Variants in DNA2 observed in about 807,000 individuals in gnomAD.
DNA2 encodes DNA replication ATP-dependent helicase/nuclease DNA2.
Under a neutral mutation model 119.1 loss-of-function variants are expected in DNA2, and 101 were observed. That is an observed-to-expected ratio of 0.85 (90% CI 0.72 to 1.00). DNA2 has a LOEUF of 1.00. DNA2 is among the 50% of genes least tolerant of loss of function. The pLI, the probability that DNA2 is intolerant of heterozygous loss-of-function variation, is 0.00. For missense variants in DNA2, 1,121 were observed against 1,255.5 expected (o/e 0.89, Z 1.62); for synonymous variants, 366 against 424.4 (o/e 0.86, Z 1.69).
chr10:68,416,611 C>T (rs980582331), intron 20 of DNA2, 98 bp downstream of exon 20: 25 of 1,265,956 alleles, frequency 2.0e-5, no homozygotes, highest in Non-Finnish European at 2.6e-5. Context: ...AGTTCAAGAC[C>T]AGCTTAAGCA....
At chr10:68,437,649 T>TCAAAAA (rs1339155314) in intron 9 of DNA2, among the ~76,000 whole-genome samples, 6,709 of 119,050 alleles carry the variant, frequency 0.056, 517 homozygotes, top group African/African-American at 0.19. Flanking sequence ...AAACCACCTC[T>TCAAAAA]CAAAAACAAA....
chr10:68,424,857 C>T, intron 14 of DNA2: 1 of 789,602 alleles, frequency 1.3e-6, no homozygotes, highest in South Asian at 1.4e-5. Flanking sequence ...CGTGGGTACT[C>T]ACCCAAACAA....
chr10:68,432,265 G>T lies in DNA2; in HGVS notation c.1814C>A (p.Ser605Tyr), dbSNP rs2051832353. 6.2e-7 allele frequency: 1 copy of T among 1,609,718 alleles called. No homozygotes were observed. Among genetic ancestry groups the T allele is most frequent in the Non-Finnish European group, 8.5e-7 (1 of 1,178,748 alleles). Residue 605 changes from serine (S) to tyrosine (Y), a missense_variant, in exon 12 of 21, where the codon TCC (serine) becomes TAC (tyrosine). Ser to Tyr is a moderately radical substitution (Grantham distance 144, BLOSUM62 -2). Coordinates refer to ENST00000358410, the MANE Select transcript of DNA2 (RefSeq NM_001080449.3). ...ATGTGGAAGAACAGAACTAAGGTAG[G>T]ATATAAACTGAGGTTCACGAAAGTC... ...IIDFREPQFI[S>Y]YLSSVLPHDA...
rs1266022197 is a variant in DNA2 at position 68,432,236 on chromosome 10, C to T, written c.1843G>A (p.Ala615Thr). Residue 615 changes from alanine (A) to threonine (T), a missense_variant, in exon 12 of 21, where the codon GCA (alanine) becomes ACA (threonine). Physicochemically the swap from Ala to Thr is moderately conservative, Grantham distance 58. Coordinates refer to ENST00000358410, the MANE Select transcript of DNA2 (RefSeq NM_001080449.3). ...AGAATGCAGGCAACTGTATCCTTTG[C>T]ATCATGTGGAAGAACAGAACTAAGG... is the stretch of plus-strand genomic sequence containing the variant. ...SYLSSVLPHD[A>T]KDTVACILKG... 1.2e-6 allele frequency: 2 copies of T among 1,603,628 alleles called. No homozygotes were observed. The highest frequency in any genetic ancestry group is 1.3e-5 in the African/African-American group (1 of 74,406).
intron 5 of DNA2, among the ~76,000 whole-genome samples, chr10:68,456,950 C>G (rs185573559): frequency 6.6e-6 from 1 of 151,342 alleles, no homozygotes; most frequent in African/African-American, 2.4e-5. Context: ...CTGGCTAACA[C>G]GGTGAAACCC....
intron 14 of DNA2, among the ~76,000 whole-genome samples, chr10:68,424,336 T>C (rs1165718989): frequency 6.6e-6 from 1 of 151,850 alleles, no homozygotes; most frequent in Non-Finnish European, 1.5e-5. Context: ...AAAACCGGTC[T>C]CTACAAAAAA....
intron 20 of DNA2, 114 bp from the exon 21 acceptor site, chr10:68,415,221 A>C (rs1447695005): frequency 1.3e-5 from 8 of 615,470 alleles, no homozygotes; most frequent in Non-Finnish European, 2.3e-5. Flanking sequence ...AAAAATAAGG[A>C]TCTTTATGGC....
In DNA2 at chr10:68,422,448, A is replaced by G. The variant is rs772653603; in HGVS notation, c.2493-19T>C. 2 of 1,612,598 alleles carry G rather than the reference A, an allele frequency of 1.2e-6. No homozygotes were observed. Among genetic ancestry groups the G allele is most frequent in the African/African-American group, 1.3e-5 (1 of 74,958 alleles). ...AATTTTACTAAGGGAATTACAAAAG[A>G]TAACTTTAGTTTTGGTAGATGGAAA... is the stretch of plus-strand genomic sequence containing the variant. On this transcript the variant is annotated intron_variant, in intron 16 of 20. Coordinates refer to ENST00000358410, the MANE Select transcript of DNA2 (RefSeq NM_001080449.3).
chr10:68,463,771 T>C lies in DNA2; in HGVS notation c.587+1896A>G, dbSNP rs80098605. On this transcript the variant is annotated intron_variant, in intron 4 of 20. Transcript: ENST00000358410. ...CATTGAGACTTCAGGATAATACACA[T>C]TTACCATATAACTGTGCAATATTAA... Among the ~76,000 whole-genome samples the C allele has an allele frequency of 6.8e-3, 1,033 of 152,194 alleles. 20 individuals are homozygous for C. Among genetic ancestry groups the C allele is most frequent in the African/African-American group, 0.024 (988 of 41,512 alleles).
rs76236637 is a variant in DNA2, at chr10:68,465,540, G to C, written c.587+127C>G. On this transcript the variant is annotated intron_variant, in intron 4 of 20. Coordinates refer to ENST00000358410, the MANE Select transcript of DNA2 (RefSeq NM_001080449.3). ...TTCACAGAGTTCCAACAATGTACTAGAACTATGAAATCTGCATTTTAGATT... is the reference window on the plus strand; with the variant it reads ...TTCACAGAGTTCCAACAATGTACTACAACTATGAAATCTGCATTTTAGATT... 7.0e-3 allele frequency: 5,262 copies of C among 747,518 alleles called. 211 individuals are homozygous for C. The African/African-American group carries it at 0.086, about 12-fold the overall frequency. 46.3% of individuals were successfully genotyped at this position (747,518 alleles called of 1,614,324 possible).
Position 68,419,318 on chromosome 10 carries a change from T to C in DNA2, c.2788-105A>G, listed in dbSNP as rs2051635644. ...ACATTATGTGCCCAACTGATGTTTA[T>C]AACAAACTTTCCTATCTCAAAGACT... On this transcript the variant is annotated intron_variant, in intron 18 of 20. Coordinates refer to ENST00000358410, the MANE Select transcript of DNA2 (RefSeq NM_001080449.3). 3 of 875,614 alleles carry C rather than the reference T, an allele frequency of 3.4e-6. No individual in the cohort carries two copies. In the East Asian group the frequency reaches 9.0e-5, roughly 26 times the overall value. The allele number at this position is 875,614 out of a possible 1,614,324, so 54.2% of individuals were successfully genotyped here.
chr10:68,432,797 A>G (rs915019624), intron 10 of DNA2, among the ~76,000 whole-genome samples: 6 of 152,172 alleles, frequency 3.9e-5, no homozygotes, highest in African/African-American at 1.4e-4. Context: ...CGGGTTCACC[A>G]TCCCCAGAGG....
chr10:68,444,218 T>C (rs546376196), intron 8 of DNA2, among the ~76,000 whole-genome samples: 187 of 151,540 alleles, frequency 1.2e-3, no homozygotes, highest in African/African-American at 4.4e-3. Flanking sequence ...GGTGAAACCC[T>C]GTCTCTACTA....
At chr10:68,419,506 C>T in intron 18 of DNA2, 1 of 514,040 alleles carries the variant, frequency 1.9e-6, no homozygotes. Context: ...AAATACATTT[C>T]ACCTTCTGCT....
chr10:68,425,088 C>CTTTTTTTTTTT (rs60065153), intron 14 of DNA2: 1 of 122,572 alleles, frequency 8.2e-6, no homozygotes, highest in African/African-American at 5.6e-5. Flanking sequence ...TGGAACATTT[C>CTTTTTTTTTTT]TTTTTTTTTT....
At chr10:68,437,435 A>C (rs2133387346) in intron 9 of DNA2, among the ~76,000 whole-genome samples, 194 bp from the exon 10 acceptor site, 1 of 152,062 alleles carries the variant, frequency 6.6e-6, no homozygotes, top group East Asian at 1.9e-4. Context: ...CAGATGTTCA[A>C]GACCAGCCTG....
At chr10:68,442,825 C>T (rs2051987404) in intron 9 of DNA2, 92 bp downstream of exon 9, 1 of 1,062,794 alleles carries the variant, frequency 9.4e-7, no homozygotes, top group Non-Finnish European at 1.3e-6. Flanking sequence ...CTATAACATG[C>T]TTCATAACTT....
rs1462200842 is a variant in DNA2 at position 68,459,118 on chromosome 10, C to G, written c.705G>C (p.Gln235His). 1.3e-6 allele frequency: 2 copies of G among 1,598,908 alleles called. No homozygotes were observed. Among genetic ancestry groups the G allele is most frequent in the African/African-American group, 2.7e-5 (2 of 74,652 alleles). ...MHKNTSTDFP[Q>H]MQLSLPSDNS... is the part of the protein sequence containing the mutation. ...GTGTTTCTTACAGAGAGAGCTGCAT[C>G]TGAGGGAAGTCAGTCGAAGTGTTTT... Residue 235 changes from glutamine to histidine, a missense_variant, in exon 5 of 21, where the codon CAG (glutamine) becomes CAC (histidine). By Grantham distance (24) the Gln-to-His change is conservative. Transcript: ENST00000358410.
upstream of DNA2, chr10:68,471,998 T>G: frequency 6.2e-7 from 1 of 1,610,396 alleles, no homozygotes; most frequent in South Asian, 1.1e-5. Context: ...ATGTCCCAAA[T>G]GACCTGCGCC....
Sources: allele counts gnomAD v4.1 joint callset (sites outside exome capture counted in the v4.1 genomes callset), GRCh38; gene constraint gnomAD v4.1.1; transcripts MANE v1.5; gene names NCBI Gene and HGNC (gene_info 2026-07-23, HGNC 2026-07-21).